CSMD2: variants seen among roughly 807,000 people sequenced by gnomAD.
CSMD2 encodes the protein CUB and Sushi multiple domains 2.
CSMD2 carries 130 observed loss-of-function variants against 398.5 expected under a neutral mutation model. The ratio of observed to expected loss-of-function variants is 0.33; its 90% CI spans 0.28 to 0.38. The LOEUF (loss-of-function observed/expected upper bound fraction) is 0.38. Among genes scored for constraint, CSMD2 ranks in the 10% least tolerant of loss-of-function variants. The probability of loss-of-function intolerance (pLI) is 1.00; values close to 1 mark genes in which losing one functional copy is unlikely to be tolerated. For synonymous variants in CSMD2, 1,828 were observed against 1,908.5 expected, an observed-to-expected ratio of 0.96 and a Z score of 1.10; for missense variants, 3,829 against 4,764.9, an observed-to-expected ratio of 0.80 and a Z score of 5.78.
intron 23 of CSMD2, among the ~76,000 whole-genome samples, chr1:33,699,589 C>T (rs542815011): frequency 3.7e-4 from 57 of 152,210 alleles, no homozygotes; most frequent in Admixed American, 1.5e-3. Flanking sequence ...GAACCTCTTG[C>T]TGTAACAGGC....
intron 27 of CSMD2, among the ~76,000 whole-genome samples, chr1:33,653,623 A>G (rs910502592): frequency 1.3e-5 from 2 of 152,064 alleles, no homozygotes; most frequent in African/African-American, 2.4e-5. Context: ...ACAGCAACCT[A>G]TTTACCTAGG....
chr1:34,159,263 A>C (rs1207933125), intron 1 of CSMD2, among the ~76,000 whole-genome samples: 3 of 152,048 alleles, frequency 2.0e-5, no homozygotes, highest in Non-Finnish European at 2.9e-5. Context: ...AGTTGTAAGA[A>C]CCCACAGTAG....
intron 1 of CSMD2, among the ~76,000 whole-genome samples, chr1:34,155,646 C>A (rs1640743209): frequency 7.2e-5 from 11 of 152,262 alleles, no homozygotes; most frequent in Admixed American, 7.2e-4. Context: ...CAAGCCCACC[C>A]TCCTTCTCAC....
In CSMD2 at chr1:34,032,736, A is replaced by G. The variant is rs1650614273; in HGVS notation, c.405-30T>C. 2.7e-6 allele frequency: 4 copies of G among 1,485,250 alleles called. No individual in the cohort carries two copies. The East Asian group carries it at 9.7e-5, about 36-fold the overall frequency. The allele number at this position is 1,485,250 out of a possible 1,614,324, so 92.0% of individuals were successfully genotyped here. A position where few individuals can be genotyped will look rare whatever the true frequency, so the allele number is the denominator to read the frequency against. ...AAGACAAAGAATTGGATTAGGGAGA[A>G]TGACCCCCTTGGGAAACTACACATC... On this transcript the variant is annotated intron_variant, in intron 2 of 70. Coordinates refer to ENST00000373381, the MANE Select transcript of CSMD2 (RefSeq NM_001281956.2).
At chr1:34,150,815 G>A (rs1396155275) in intron 1 of CSMD2, among the ~76,000 whole-genome samples, 1 of 152,162 alleles carries the variant, frequency 6.6e-6, no homozygotes, top group African/African-American at 2.4e-5. Flanking sequence ...AGCTACTCAG[G>A]AGGCTGAAGC....
At chr1:34,148,204 T>C (rs1280437670) in intron 1 of CSMD2, among the ~76,000 whole-genome samples, 1 of 152,212 alleles carries the variant, frequency 6.6e-6, no homozygotes, top group Non-Finnish European at 1.5e-5. Flanking sequence ...AAGGTGTTAA[T>C]GGCTAACATT....
Position 33,874,508 on chromosome 1 carries a change from G to A in CSMD2, c.921-27512C>T, listed in dbSNP as rs566717926. On this transcript the variant is annotated intron_variant, in intron 5 of 70. Coordinates refer to ENST00000373381, the MANE Select transcript of CSMD2 (RefSeq NM_001281956.2). ...ACTCTTTGCAAATACCAGAGTATTT[G>A]TATTTTGTGTGTGGAAGGGACATGT... Among the ~76,000 whole-genome samples, 4 of 152,320 alleles carry A rather than the reference G, an allele frequency of 2.6e-5. No individual in the cohort carries two copies. In the East Asian group the frequency reaches 5.8e-4, roughly 22 times the overall value.
In CSMD2 at chr1:33,716,380, G is replaced by C; in HGVS notation, c.3123C>G (p.Pro1041=). 6.2e-7 allele frequency: 1 copy of C among 1,614,128 alleles called. No individual in the cohort carries two copies. Among genetic ancestry groups the C allele is most frequent in the Non-Finnish European group, 8.5e-7 (1 of 1,180,022 alleles). Residue 1041 remains proline, a synonymous_variant, in exon 20 of 71, where the codon CCC becomes CCG. Coordinates refer to ENST00000373381, the MANE Select transcript of CSMD2 (RefSeq NM_001281956.2). The part of the protein sequence containing the change: ...RQLTGSRLPA[P]ISAGLYGNFT... ...AGTTGCCATAGAGCCCAGCGCTGATGGGAGCTGGCAGCCGAGATCCAGTTA... is the reference window on the plus strand; with the variant it reads ...AGTTGCCATAGAGCCCAGCGCTGATCGGAGCTGGCAGCCGAGATCCAGTTA...
chr1:33,608,231 C>T (rs1640762175), intron 41 of CSMD2, among the ~76,000 whole-genome samples: 1 of 152,150 alleles, frequency 6.6e-6, no homozygotes, highest in African/African-American at 2.4e-5. Context: ...GAGGCGGTCA[C>T]ACAGGCACAA....
intron 2 of CSMD2, among the ~76,000 whole-genome samples, chr1:34,057,981 G>GCC: frequency 6.6e-6 from 1 of 152,326 alleles, no homozygotes; most frequent in Middle Eastern, 3.4e-3. Context: ...TTTCTGGCAG[G>GCC]CTTGGCTTCT....
At chr1:34,103,289 CTT>C (rs1377493597) in intron 1 of CSMD2, among the ~76,000 whole-genome samples, 2 of 106,968 alleles carry the variant, frequency 1.9e-5, no homozygotes, top group South Asian at 3.8e-4. Flanking sequence ...ACTCCTTGAG[CTT>C]TTTTTTTTTT....
chr1:33,799,495 G>C (rs1393108808), intron 10 of CSMD2, among the ~76,000 whole-genome samples: 1 of 152,198 alleles, frequency 6.6e-6, no homozygotes, highest in African/African-American at 2.4e-5. Flanking sequence ...TGGATAGTGG[G>C]TTACTTAATG....
chr1:33,926,414 T>C (rs1316471495), intron 4 of CSMD2, among the ~76,000 whole-genome samples: 1 of 152,144 alleles, frequency 6.6e-6, no homozygotes, highest in Admixed American at 6.5e-5. Flanking sequence ...TCTGGACTTG[T>C]GCTAGAACTG....
At chr1:33,979,053 C>A (rs1314661224) in intron 3 of CSMD2, among the ~76,000 whole-genome samples, 10 of 152,170 alleles carry the variant, frequency 6.6e-5, no homozygotes, top group Non-Finnish European at 8.8e-5. Flanking sequence ...GTACATATAC[C>A]TTTCTGGAAG....
intron 53 of CSMD2, among the ~76,000 whole-genome samples, chr1:33,562,127 T>A (rs1025749044): frequency 6.6e-6 from 1 of 152,052 alleles, no homozygotes; most frequent in African/African-American, 2.4e-5. Context: ...TTGTCAGATA[T>A]CCCTGATAGA....
chr1:34,018,505 C>T (rs1473112378), intron 3 of CSMD2, among the ~76,000 whole-genome samples: 6 of 152,214 alleles, frequency 3.9e-5, no homozygotes, highest in South Asian at 2.1e-4. Flanking sequence ...TACATCAGCA[C>T]CAGCCATGTG....
intron 1 of CSMD2, among the ~76,000 whole-genome samples, chr1:34,137,695 C>T (rs755540353): frequency 2.6e-5 from 4 of 152,154 alleles, no homozygotes; most frequent in Admixed American, 6.5e-5. Flanking sequence ...TCCAGTGCTT[C>T]GACTGAAGAC....
intron 24 of CSMD2, among the ~76,000 whole-genome samples, chr1:33,697,868 A>G (rs1645472814): frequency 6.6e-6 from 1 of 152,210 alleles, no homozygotes; most frequent in African/African-American, 2.4e-5. Context: ...CCAGACATAC[A>G]TGTGCACCAA....
At chr1:33,927,803 T>A (rs761823807) in intron 4 of CSMD2, among the ~76,000 whole-genome samples, 9 of 152,192 alleles carry the variant, frequency 5.9e-5, no homozygotes, top group African/African-American at 9.7e-5. Context: ...GCCTTTGTGC[T>A]GCCTCAAAAG....
Sources: gnomAD v4.1 joint callset for allele counts (sites outside exome capture counted in the v4.1 genomes callset) on GRCh38, gnomAD v4.1.1 for gene constraint, MANE v1.5 for transcripts, NCBI Gene and HGNC (gene_info 2026-07-23, HGNC 2026-07-21) for gene names.